Variants in BTBD9 observed in about 807,000 individuals in gnomAD.
The protein encoded by BTBD9 is BTB domain containing 9, also known as BTB/POZ domain-containing protein 9.
BTBD9 carries 49 observed loss-of-function variants against 64.3 expected under a neutral mutation model. The observed-to-expected ratio is 0.76, with a 90% CI of 0.61 to 0.97. The LOEUF is 0.97. BTBD9 is among the 50% of genes least tolerant of loss of function. The pLI is 0.00. For synonymous variants in BTBD9, 260 were observed against 274.7 expected (o/e 0.95, Z 0.53); for missense variants, 598 against 762.1 (o/e 0.78, Z 2.53).
intron 6 of BTBD9, among the ~76,000 whole-genome samples, chr6:38,485,239 C>T (rs1211553392): frequency 6.6e-6 from 1 of 152,208 alleles, no homozygotes; most frequent in Non-Finnish European, 1.5e-5. Context: ...GTCATATCTT[C>T]AGACTACACT....
intron 6 of BTBD9, among the ~76,000 whole-genome samples, chr6:38,439,756 T>A (rs890787575): frequency 2.0e-5 from 3 of 152,142 alleles, no homozygotes; most frequent in Admixed American, 2.0e-4. Context: ...TGGGCTTCAA[T>A]TTTAACAGCT....
intron 6 of BTBD9, among the ~76,000 whole-genome samples, chr6:38,539,775 G>T (rs376283879): frequency 1.3e-5 from 2 of 152,116 alleles, no homozygotes; most frequent in African/African-American, 2.4e-5. Flanking sequence ...TAAACCAATT[G>T]TAAGAGATAA....
chr6:38,515,699 G>C (rs1168669230), intron 6 of BTBD9, among the ~76,000 whole-genome samples: 1 of 152,128 alleles, frequency 6.6e-6, no homozygotes, highest in African/African-American at 2.4e-5. Context: ...AGACAACAGA[G>C]ATATTATGTC....
chr6:38,362,809 C>A (rs1334952529), intron 6 of BTBD9, among the ~76,000 whole-genome samples: 2 of 152,114 alleles, frequency 1.3e-5, no homozygotes, highest in Non-Finnish European at 2.9e-5. Context: ...CTTGTAAATA[C>A]AACAGAATTA....
intron 6 of BTBD9, among the ~76,000 whole-genome samples, chr6:38,465,707 TTATATATA>T (rs1157324453): frequency 0.013 from 589 of 46,712 alleles, 3 homozygotes; most frequent in African/African-American, 0.032. Flanking sequence ...AATAAATAAA[TTATATATA>T]TATATATATA....
chr6:38,190,902 G>T (rs1762047413), intron 10 of BTBD9, among the ~76,000 whole-genome samples: 1 of 152,184 alleles, frequency 6.6e-6, no homozygotes, highest in Non-Finnish European at 1.5e-5. Flanking sequence ...TCTGACTTGA[G>T]AATTCCTTCT....
intron 9 of BTBD9, among the ~76,000 whole-genome samples, chr6:38,203,693 A>G (rs1357492783): frequency 1.3e-5 from 2 of 152,144 alleles, no homozygotes; most frequent in Non-Finnish European, 2.9e-5. Flanking sequence ...TAGGAGCTAA[A>G]AAACTTGATC....
intron 6 of BTBD9, among the ~76,000 whole-genome samples, chr6:38,367,799 C>CA (rs575025737): frequency 0.013 from 1,117 of 84,002 alleles, 42 homozygotes; most frequent in Middle Eastern, 0.024. Context: ...CCAGAAATGG[C>CA]AAAAAAAAAA....
intron 9 of BTBD9, among the ~76,000 whole-genome samples, chr6:38,235,515 T>C (rs1582092530): frequency 6.6e-6 from 1 of 152,162 alleles, no homozygotes; most frequent in South Asian, 2.1e-4. Flanking sequence ...CCAGTACCAC[T>C]GGCTGAAGTT....
rs542488026 is a variant in BTBD9 at position 38,471,057 on chromosome 6, T to C, written c.1154+106543A>G. 8.6e-4 allele frequency among the ~76,000 whole-genome samples: 131 copies of C among 152,326 alleles called. 1 individual carries two copies. The highest frequency in any genetic ancestry group is 3.1e-3 in the African/African-American group (129 of 41,576). ...ATGACTTTTGGAGCTCTAAGGAACA[T>C]GTAAATAGAGGATGGTAAACTTACC... is the stretch of plus-strand genomic sequence containing the variant. On this transcript the variant is annotated intron_variant, in intron 6 of 10. Coordinates refer to ENST00000481247, the MANE Select transcript of BTBD9 (RefSeq NM_001099272.2).
intron 9 of BTBD9, among the ~76,000 whole-genome samples, chr6:38,201,496 G>A (rs1166607647): frequency 6.6e-6 from 1 of 152,092 alleles, no homozygotes; most frequent in Non-Finnish European, 1.5e-5. Context: ...GTACTGAATG[G>A]GGAAAAGTTG....
chr6:38,303,865 A>T (rs1762507604), intron 7 of BTBD9, among the ~76,000 whole-genome samples: 1 of 121,846 alleles, frequency 8.2e-6, no homozygotes, highest in Admixed American at 8.1e-5. Context: ...ATATATATAT[A>T]TATATATATA....
At chr6:38,430,327 C>T (rs898566648) in intron 6 of BTBD9, among the ~76,000 whole-genome samples, 25 of 150,970 alleles carry the variant, frequency 1.7e-4, no homozygotes, top group Non-Finnish European at 2.9e-5. Flanking sequence ...TCAAGGGATC[C>T]TCTTGCCTAA....
At chr6:38,513,514 A>G (rs1487530634) in intron 6 of BTBD9, among the ~76,000 whole-genome samples, 1 of 152,124 alleles carries the variant, frequency 6.6e-6, no homozygotes, top group Non-Finnish European at 1.5e-5. Context: ...GACACTTCCA[A>G]CAACTCCAAA....
At chr6:38,464,373 T>C (rs1582471935) in intron 6 of BTBD9, among the ~76,000 whole-genome samples, 1 of 145,936 alleles carries the variant, frequency 6.9e-6, no homozygotes, top group East Asian at 1.9e-4. Flanking sequence ...AAACCAGCCT[T>C]GCATTCATGA....
chr6:38,542,187 C>A (rs1199142386), intron 6 of BTBD9, among the ~76,000 whole-genome samples: 1 of 152,182 alleles, frequency 6.6e-6, no homozygotes, highest in African/African-American at 2.4e-5. Flanking sequence ...GACCTGTTTT[C>A]TAAGAACAAG....
intron 6 of BTBD9, among the ~76,000 whole-genome samples, chr6:38,395,134 T>C (rs1310084873): frequency 1.3e-5 from 2 of 152,018 alleles, no homozygotes; most frequent in Non-Finnish European, 2.9e-5. Flanking sequence ...AGTTCCCTTA[T>C]AAAAGAGGCC....
In BTBD9 at chr6:38,489,920, T is replaced by G. The variant is rs1771627235; in HGVS notation, c.1154+87680A>C. ...ATATTGTATGTTTCCCACTTTTCCATTTGCCTTTTAATTTTGTCTTTTTAA... is the reference window on the plus strand; with the variant it reads ...ATATTGTATGTTTCCCACTTTTCCAGTTGCCTTTTAATTTTGTCTTTTTAA... On this transcript the variant is annotated intron_variant, in intron 6 of 10. Transcript: ENST00000481247. Among the ~76,000 whole-genome samples the G allele has an allele frequency of 2.0e-5, 3 of 152,236 alleles. No homozygotes were observed. In the South Asian group the frequency reaches 6.2e-4, roughly 32 times the overall value.
At chr6:38,573,161 TAAAA>T in intron 6 of BTBD9, among the ~76,000 whole-genome samples, 3 of 152,238 alleles carry the variant, frequency 2.0e-5, no homozygotes, top group African/African-American at 7.2e-5. Flanking sequence ...AAATTCAAAG[TAAAA>T]TAGGATTTTT....
Sources: allele counts gnomAD v4.1 joint callset (sites outside exome capture counted in the v4.1 genomes callset), GRCh38; gene constraint gnomAD v4.1.1; transcripts MANE v1.5; gene names NCBI Gene and HGNC (gene_info 2026-07-23, HGNC 2026-07-21).